BRAP: variants seen among roughly 807,000 people sequenced by gnomAD.
The protein encoded by BRAP is BRCA1 associated protein, also known as BRCA1-associated protein.
In BRAP, 42 loss-of-function variants were observed where a neutral mutation model predicts 73.4. That is an observed-to-expected ratio of 0.57 (90% CI 0.45 to 0.74). The LOEUF is 0.74. Ranked by LOEUF, BRAP falls within the 30% of genes least tolerant of loss-of-function variation. The probability of loss-of-function intolerance (pLI) is 0.00; values close to 1 mark genes in which losing one functional copy is unlikely to be tolerated. For synonymous variants in BRAP, 255 were observed against 267.4 expected, an observed-to-expected ratio of 0.95 and a Z score of 0.45; for missense variants, 593 against 751.4, an observed-to-expected ratio of 0.79 and a Z score of 2.46.
At chr12:111,663,834 T>C (rs1344544362) in intron 6 of BRAP, among the ~76,000 whole-genome samples, 1 of 152,196 alleles carries the variant, frequency 6.6e-6, no homozygotes, top group African/African-American at 2.4e-5. Context: ...GCAAATGGCA[T>C]GTCTTACATC....
chr12:111,646,678 CAGG>C (rs761312542), intron 11 of BRAP, among the ~76,000 whole-genome samples: 2 of 152,000 alleles, frequency 1.3e-5, no homozygotes, highest in Admixed American at 6.6e-5. Context: ...GAGGGTGAGG[CAGG>C]AGAACTGCTT....
At chr12:111,654,124 G>A (rs897966324) in intron 10 of BRAP, among the ~76,000 whole-genome samples, 4 of 152,236 alleles carry the variant, frequency 2.6e-5, no homozygotes, top group Middle Eastern at 3.4e-3. Context: ...CACAGTACGC[G>A]GCAGCGACCT....
chr12:111,650,647 C>A (rs1205262302), intron 10 of BRAP, among the ~76,000 whole-genome samples: 1 of 152,196 alleles, frequency 6.6e-6, no homozygotes, highest in Non-Finnish European at 1.5e-5. Context: ...CTTGCCTCGG[C>A]CTCCCAAAGT....
chr12:111,678,430 G>A (rs1410280279), intron 4 of BRAP, among the ~76,000 whole-genome samples: 1 of 151,258 alleles, frequency 6.6e-6, no homozygotes, highest in Admixed American at 6.6e-5. Context: ...AGACTGAGGC[G>A]GGTGGATCAC....
Position 111,681,649 on chromosome 12 carries a change from A to G in BRAP, c.431T>C (p.Leu144Pro), listed in dbSNP as rs765080072. 6 of 1,610,960 alleles carry G rather than the reference A, an allele frequency of 3.7e-6. No individual in the cohort carries two copies. In the African/African-American group the frequency reaches 8.0e-5, roughly 22 times the overall value. The change falls in exon 3 of 12, where the codon CTA (leucine) becomes CCA (proline). Residue 144 changes from leucine (L) to proline (P), a missense_variant. Leu to Pro is a moderately conservative substitution (Grantham distance 98). Transcript: ENST00000419234. ...AGGGTTTTCTTACTTTGTCTTATAT[A>G]GGTGCATAATACCATGAACTATTTC... Reference protein sequence around the residue: ...SVEIVHGIMHLYKTNKMTSLK... With the variant: ...SVEIVHGIMHPYKTNKMTSLK...
At chr12:111,672,331 T>C (rs77956498) in intron 5 of BRAP, among the ~76,000 whole-genome samples, 4 of 151,452 alleles carry the variant, frequency 2.6e-5, no homozygotes, top group Non-Finnish European at 4.4e-5. Flanking sequence ...ATCTTTTTTC[T>C]TTTTTTTTAC....
chr12:111,658,286 C>T (rs965127332), intron 9 of BRAP, among the ~76,000 whole-genome samples: 10 of 151,862 alleles, frequency 6.6e-5, no homozygotes, highest in Non-Finnish European at 1.3e-4. Flanking sequence ...AATAACACCT[C>T]ACAGCAATGA....
chr12:111,656,720 ATTTTTCT>A (rs1174316618), intron 9 of BRAP, among the ~76,000 whole-genome samples: 10 of 151,692 alleles, frequency 6.6e-5, no homozygotes, highest in African/African-American at 2.4e-4. Context: ...GACAGCAAAG[ATTTTTCT>A]TTTTTCTTTC....
Position 111,681,810 on chromosome 12 carries a change from T to G in BRAP, c.270A>C (p.Glu90Asp). 36 of 1,612,210 alleles carry G rather than the reference T, an allele frequency of 2.2e-5. No individual in the cohort carries two copies. Among genetic ancestry groups the G allele is most frequent in the Non-Finnish European group, 3.1e-5 (36 of 1,179,288 alleles). ...TGGGGGAGGCTTCTGAAGACTTCCTTTCTTCCACTGTAGTTTTTAGTTCAT... is the reference window on the plus strand; with the variant it reads ...TGGGGGAGGCTTCTGAAGACTTCCTGTCTTCCACTGTAGTTTTTAGTTCAT... The part of the protein sequence containing the change: ...NPDELKTTVE[E>D]RKSSEASPTA... Residue 90 changes from glutamate to aspartate, a missense_variant, in exon 3 of 12, where the codon GAA becomes GAC. Physicochemically the swap from Glu to Asp is conservative, Grantham distance 45. Around this residue, in one of 4 missense-constraint regions of BRAP, gnomAD observed 304 missense variants for 337.7 expected, o/e 0.90. Coordinates refer to ENST00000419234, the MANE Select transcript of BRAP (RefSeq NM_006768.5).
In BRAP at chr12:111,685,867, C is replaced by A; in HGVS notation, c.-75G>T. ...AAGGCGAGCCGAGAGGCCGAGCGGC[C>A]CGGGGCCGGCAGCGCCGCCACCACC... On this transcript the variant is annotated 5_prime_UTR_variant, in exon 1 of 12. Coordinates refer to ENST00000419234, the MANE Select transcript of BRAP (RefSeq NM_006768.5). 8.9e-7 allele frequency: 1 copy of A among 1,127,032 alleles called. No individual in the cohort carries two copies. The highest frequency in any genetic ancestry group is 2.9e-4 in the Middle Eastern group (1 of 3,502). 69.8% of individuals were successfully genotyped at this position (1,127,032 alleles called of 1,614,324 possible).
chr12:111,644,337 G>T lies in BRAP; in HGVS notation c.1641C>A (p.Asn547Lys), dbSNP rs1432342178. 3.7e-6 allele frequency: 6 copies of T among 1,614,006 alleles called. No individual in the cohort carries two copies. Among genetic ancestry groups the T allele is most frequent in the Non-Finnish European group, 5.1e-6 (6 of 1,180,016 alleles). Residue 547 changes from asparagine to lysine, a missense_variant, in exon 12 of 12, where the codon AAC becomes AAA. Physicochemically the swap from Asn to Lys is moderately conservative, Grantham distance 94. Coordinates refer to ENST00000419234, the MANE Select transcript of BRAP (RefSeq NM_006768.5). ...MFYLETQQKI[N>K]HLPAETRQEI... The stretch of plus-strand genomic sequence containing the variant: ...CCTGCCGGGTCTCGGCAGGCAGATG[G>T]TTGATCTTCTGCTGTGTCTCCAGGT...
Position 111,665,317 on chromosome 12 carries a change from T to C in BRAP, c.896+322A>G, listed in dbSNP as rs1234527968. On this transcript the variant is annotated intron_variant, in intron 6 of 11. Transcript: ENST00000419234. The surrounding 1 kb of genome is among the most constrained non-coding windows in gnomAD (Gnocchi z 4.3). Reference sequence around the variant, plus strand: ...AATGGCAGACACCAAGTGCAGCTGATACATGAGATTCCAGACCTAGATTTC... The same window carrying C: ...AATGGCAGACACCAAGTGCAGCTGACACATGAGATTCCAGACCTAGATTTC... Among the ~76,000 whole-genome samples the C allele has an allele frequency of 1.3e-5, 2 of 151,994 alleles. No homozygotes were observed. The highest frequency in any genetic ancestry group is 2.4e-5 in the African/African-American group (1 of 41,378).
intron 4 of BRAP, among the ~76,000 whole-genome samples, chr12:111,677,428 G>A (rs1228079643): frequency 6.6e-6 from 1 of 152,132 alleles, no homozygotes; most frequent in Non-Finnish European, 1.5e-5. Flanking sequence ...TAAAAGTGAG[G>A]GTGCCACACT....
rs1592983698 is a variant in BRAP, at chr12:111,665,857, C to A, written c.748-70G>T. ...AATACTTTATTTTTCCTTCTTTTTT[C>A]TGAGACAGGGTCTCGCTCTCTGTCA... On this transcript the variant is annotated intron_variant, in intron 5 of 11. Coordinates refer to ENST00000419234, the MANE Select transcript of BRAP (RefSeq NM_006768.5). This position sits in a 1 kb window ranked among gnomAD's most constrained non-coding sequence, Gnocchi z 4.3. The A allele has an allele frequency of 1.3e-6, 2 of 1,592,884 alleles. No individual in the cohort carries two copies. The highest frequency in any genetic ancestry group is 1.7e-6 in the Non-Finnish European group (2 of 1,165,036).
intron 5 of BRAP, among the ~76,000 whole-genome samples, chr12:111,666,867 A>G (rs908302229): frequency 3.9e-5 from 6 of 152,220 alleles, no homozygotes; most frequent in African/African-American, 1.4e-4. Context: ...AGGAATCTCT[A>G]AAACTGAGGC....
chr12:111,678,864 G>A (rs904976713), intron 4 of BRAP, among the ~76,000 whole-genome samples: 1 of 151,338 alleles, frequency 6.6e-6, no homozygotes, highest in Non-Finnish European at 1.5e-5. Flanking sequence ...CAGAGCATCT[G>A]TAATCCTAGC....
At chr12:111,668,336 T>TA (rs200254028) in intron 5 of BRAP, among the ~76,000 whole-genome samples, 88 of 149,938 alleles carry the variant, frequency 5.9e-4, no homozygotes, top group East Asian at 3.3e-3. Flanking sequence ...CATACAATGT[T>TA]AATTTTTTTT....
chr12:111,678,581 C>T (rs1367440114), intron 4 of BRAP, among the ~76,000 whole-genome samples: 8 of 151,520 alleles, frequency 5.3e-5, no homozygotes, highest in African/African-American at 1.2e-4. Context: ...CGCTTGAACC[C>T]GGGAGGCGGA....
At chr12:111,680,156 T>C (rs955139278) in intron 3 of BRAP, among the ~76,000 whole-genome samples, 2 of 151,214 alleles carry the variant, frequency 1.3e-5, no homozygotes, top group Admixed American at 1.3e-4. Flanking sequence ...GGGGTTTCAC[T>C]ATGTTGGCCA....
Sources: allele counts gnomAD v4.1 joint callset (sites outside exome capture counted in the v4.1 genomes callset), GRCh38; gene constraint gnomAD v4.1.1; regional missense constraint gnomAD v4.1.1; non-coding constraint Gnocchi (gnomAD v3.1); transcripts MANE v1.5; gene names NCBI Gene and HGNC (gene_info 2026-07-23, HGNC 2026-07-21).